PTPN3: variants seen among roughly 807,000 people sequenced by gnomAD.
PTPN3 encodes tyrosine-protein phosphatase non-receptor type 3.
PTPN3 carries 96 observed loss-of-function variants against 132.7 expected under a neutral mutation model. The ratio of observed to expected loss-of-function variants is 0.72; its 90% CI spans 0.61 to 0.86. The LOEUF is 0.86. Ranked by LOEUF, PTPN3 falls within the 40% of genes least tolerant of loss-of-function variation. The pLI is 0.00. For synonymous variants in PTPN3, 398 were observed against 429.0 expected, an observed-to-expected ratio of 0.93 and a Z score of 0.89; for missense variants, 1,125 against 1,159.6, an observed-to-expected ratio of 0.97 and a Z score of 0.43.
intron 1 of PTPN3, among the ~76,000 whole-genome samples, chr9:109,483,627 T>A (rs553647576): frequency 6.6e-6 from 1 of 152,150 alleles, no homozygotes; most frequent in South Asian, 2.1e-4. Flanking sequence ...CTGTGAGGGA[T>A]GAGATATCAA....
chr9:109,531,735 G>T, the PTPN3 span, among the ~76,000 whole-genome samples: 1 of 152,034 alleles, frequency 6.6e-6, no homozygotes, highest in Non-Finnish European at 1.5e-5. Context: ...TTGGCCTCTA[G>T]CCTGTGAGCA....
intron 1 of PTPN3, among the ~76,000 whole-genome samples, chr9:109,483,701 C>G (rs2132107145): frequency 6.6e-6 from 1 of 152,320 alleles, no homozygotes; most frequent in Admixed American, 6.5e-5. Flanking sequence ...CGATCAGTCT[C>G]CATCATCACC....
At chr9:109,422,925 A>G (rs1842984664) in intron 12 of PTPN3, 73 bp from the exon 13 acceptor site, 1 of 1,525,636 alleles carries the variant, frequency 6.6e-7, no homozygotes, top group East Asian at 2.3e-5. Context: ...TGTGTGAAAC[A>G]GTCTACACAT....
chr9:109,483,160 A>G (rs1056748478), intron 1 of PTPN3, among the ~76,000 whole-genome samples: 1 of 152,216 alleles, frequency 6.6e-6, no homozygotes, highest in Non-Finnish European at 1.5e-5. Flanking sequence ...GGAGCCCTCC[A>G]CACCTTCAGA....
intron 19 of PTPN3, among the ~76,000 whole-genome samples, chr9:109,401,464 T>C (rs914895781): frequency 6.6e-6 from 1 of 152,226 alleles, no homozygotes; most frequent in Non-Finnish European, 1.5e-5. Flanking sequence ...GGTGGGTATT[T>C]ATCTCTAATG....
intron 1 of PTPN3, among the ~76,000 whole-genome samples, chr9:109,479,533 A>G (rs570505338): frequency 7.2e-5 from 11 of 152,336 alleles, no homozygotes; most frequent in African/African-American, 2.6e-4. Context: ...TCAGGTATAT[A>G]CGTAGGAGTA....
the PTPN3 span, chr9:109,534,241 G>C: frequency 6.8e-7 from 1 of 1,476,186 alleles, no homozygotes; most frequent in Admixed American, 1.8e-5. Context: ...GCCGCTGCCC[G>C]TAGTGCCGGG....
intron 24 of PTPN3, 62 bp from the exon 25 acceptor site, chr9:109,381,849 C>T (rs1210677414): frequency 1.6e-5 from 26 of 1,594,966 alleles, no homozygotes; most frequent in Middle Eastern, 1.8e-4. Flanking sequence ...CATGGCCCAG[C>T]GAGCAGTTCC....
chr9:109,456,167 G>A (rs1361409605), intron 4 of PTPN3, among the ~76,000 whole-genome samples: 1 of 152,202 alleles, frequency 6.6e-6, no homozygotes, highest in Non-Finnish European at 1.5e-5. Context: ...TGTGTGTTGG[G>A]GGGCATCCTG....
intron 25 of PTPN3, among the ~76,000 whole-genome samples, chr9:109,380,158 T>C (rs2131576800): frequency 6.6e-6 from 1 of 152,292 alleles, no homozygotes; most frequent in South Asian, 2.1e-4. Flanking sequence ...AAACATATTG[T>C]AGCAAAGTAT....
At chr9:109,383,153 G>A (rs1213711398) in intron 23 of PTPN3, among the ~76,000 whole-genome samples, 1 of 152,108 alleles carries the variant, frequency 6.6e-6, no homozygotes, top group Non-Finnish European at 1.5e-5. Context: ...CCTTTTAAAG[G>A]CTGAATCATA....
Position 109,389,248 on chromosome 9 carries a change from G to A in PTPN3, c.2238C>T (p.Leu746=), listed in dbSNP as rs765276388. 1.9e-6 allele frequency: 3 copies of A among 1,614,148 alleles called. No homozygotes were observed. Among genetic ancestry groups the A allele is most frequent in the South Asian group, 1.1e-5 (1 of 91,068 alleles). ...AGCTACTTACCCGCCCTCGTTCTGT[G>A]AGAGTCGTCAACATGACAATGAGTG... is the stretch of plus-strand genomic sequence containing the variant. The part of the protein sequence containing the change: ...KLSLIVMLTT[L]TERGRTKCHQ... The change falls in exon 22 of 26, where the codon CTC becomes CTT. Residue 746 remains leucine (L), a synonymous_variant. Transcript: ENST00000374541.
chr9:109,419,644 A>C (rs1842756599), intron 14 of PTPN3, among the ~76,000 whole-genome samples: 1 of 152,238 alleles, frequency 6.6e-6, no homozygotes. Context: ...CATATAACAA[A>C]GGCAAATGAG....
intron 10 of PTPN3, among the ~76,000 whole-genome samples, chr9:109,430,215 A>G (rs1395104596): frequency 6.6e-6 from 1 of 152,312 alleles, no homozygotes. Flanking sequence ...GCCAACTGGC[A>G]GATGCAAAAA....
At chr9:109,496,716 G>A (rs1471500881) in intron 1 of PTPN3, among the ~76,000 whole-genome samples, 1 of 152,170 alleles carries the variant, frequency 6.6e-6, no homozygotes, top group East Asian at 1.9e-4. Context: ...AGGGGTGCTG[G>A]GGTGGCATTT....
At chr9:109,383,659 A>G (rs1839319881) in intron 22 of PTPN3, 108 bp from the exon 23 acceptor site, 1 of 1,438,570 alleles carries the variant, frequency 7.0e-7, no homozygotes, top group African/African-American at 1.4e-5. Flanking sequence ...CACACCCGAG[A>G]GCACTGATGG....
Position 109,463,331 on chromosome 9 carries a change from A to C in PTPN3, c.104T>G (p.Phe35Cys), listed in dbSNP as rs765028676. The C allele has an allele frequency of 3.7e-6, 6 of 1,613,606 alleles. No individual in the cohort carries two copies. In the East Asian group the frequency reaches 1.3e-4, roughly 36 times the overall value. The change falls in exon 2 of 26, where the codon TTT (phenylalanine) becomes TGT (cysteine). Residue 35 changes from phenylalanine to cysteine, a missense_variant. Transcript: ENST00000374541. ...AAAGGTCTGTACCACGCCATCTAAA[A>C]AGTGGATGCTGCAAATGACTTCTGA... ...TRSEVICSIH[F>C]LDGVVQTFKV...
chr9:109,497,053 T>G (rs1383606163), intron 1 of PTPN3, among the ~76,000 whole-genome samples: 1 of 152,214 alleles, frequency 6.6e-6, no homozygotes, highest in Non-Finnish European at 1.5e-5. Flanking sequence ...TGCCAACTTC[T>G]GGAGTTTCTG....
chr9:109,503,801 G>A, the PTPN3 span, among the ~76,000 whole-genome samples: 1 of 152,130 alleles, frequency 6.6e-6, no homozygotes, highest in South Asian at 2.1e-4. Context: ...TACAAGAGCA[G>A]TGATGAAGGG....
Sources: allele counts gnomAD v4.1 joint callset (sites outside exome capture counted in the v4.1 genomes callset), GRCh38; gene constraint gnomAD v4.1.1; transcripts MANE v1.5; gene names NCBI Gene and HGNC (gene_info 2026-07-23, HGNC 2026-07-21).